The following SLCO2A1 variants were observed in gnomAD, a reference collection of about 807,000 sequenced individuals.
The protein encoded by SLCO2A1 is solute carrier organic anion transporter family member 2A1.
A neutral mutation model predicts 71.7 loss-of-function variants in SLCO2A1; 60 were observed. The ratio of observed to expected loss-of-function variants is 0.84; its 90% CI spans 0.68 to 1.04. SLCO2A1 has a LOEUF of 1.04. SLCO2A1 is among the 50% of genes least tolerant of loss of function. The probability of loss-of-function intolerance (pLI) is 0.00; values close to 1 mark genes in which losing one functional copy is unlikely to be tolerated. For missense variants in SLCO2A1, 745 were observed against 813.4 expected, an observed-to-expected ratio of 0.92 and a Z score of 1.02; for synonymous variants, 308 against 326.7, an observed-to-expected ratio of 0.94 and a Z score of 0.62.
At chr3:133,954,729 C>G (rs1248703596) in intron 4 of SLCO2A1, among the ~76,000 whole-genome samples, 1 of 152,184 alleles carries the variant, frequency 6.6e-6, no homozygotes, top group Admixed American at 6.5e-5. Flanking sequence ...ATATCAGCCT[C>G]CTCCTGGAGG....
intron 8 of SLCO2A1, 68 bp from the exon 9 acceptor site, chr3:133,947,513 G>A: frequency 1.5e-6 from 2 of 1,333,160 alleles, no homozygotes; most frequent in Non-Finnish European, 2.1e-6. Context: ...TACAAACACT[G>A]AGCTGGATCA....
chr3:133,955,901 C>T (rs1006482669), intron 3 of SLCO2A1, among the ~76,000 whole-genome samples: 1 of 152,224 alleles, frequency 6.6e-6, no homozygotes, highest in Non-Finnish European at 1.5e-5. Context: ...GAAGCTGAGG[C>T]TGCTTCTCGA....
At chr3:134,029,324 C>T (rs1414459140) in intron 1 of SLCO2A1, among the ~76,000 whole-genome samples, 3 of 152,214 alleles carry the variant, frequency 2.0e-5, no homozygotes, top group Non-Finnish European at 4.4e-5. Flanking sequence ...AAGTAACCGC[C>T]CGCTGGAGGC....
At chr3:134,027,200 C>T (rs1935715228) in intron 1 of SLCO2A1, among the ~76,000 whole-genome samples, 1 of 152,142 alleles carries the variant, frequency 6.6e-6, no homozygotes, top group Non-Finnish European at 1.5e-5. Context: ...GAGACCACCC[C>T]TCATATTGTC....
At chr3:133,974,760 A>C (rs147821482) in intron 2 of SLCO2A1, among the ~76,000 whole-genome samples, 245 of 152,226 alleles carry the variant, frequency 1.6e-3, no homozygotes, top group South Asian at 5.0e-3. Flanking sequence ...GTCTCCACCA[A>C]AGATGGTCCT....
chr3:134,027,318 G>A (rs1935717299), intron 1 of SLCO2A1, among the ~76,000 whole-genome samples: 1 of 152,250 alleles, frequency 6.6e-6, no homozygotes, highest in African/African-American at 2.4e-5. Flanking sequence ...GGTAGTTAAA[G>A]ATCGACCCCT....
chr3:134,001,457 G>A (rs1254999479), intron 1 of SLCO2A1, among the ~76,000 whole-genome samples: 1 of 152,150 alleles, frequency 6.6e-6, no homozygotes, highest in Non-Finnish European at 1.5e-5. Context: ...ACTGGAGGCT[G>A]CACCGGACTG....
chr3:134,017,230 A>G (rs1320586773), intron 1 of SLCO2A1, among the ~76,000 whole-genome samples: 1 of 152,258 alleles, frequency 6.6e-6, no homozygotes, highest in African/African-American at 2.4e-5. Flanking sequence ...CTGAAATTAT[A>G]TAAGATGCAA....
Position 133,969,941 on chromosome 3 carries a change from A to G in SLCO2A1, c.397+3722T>C, listed in dbSNP as rs141696725. On this transcript the variant is annotated intron_variant, in intron 3 of 13. Transcript: ENST00000310926. ...CTAAGCTTCCACCAACAGAAATCCT[A>G]AGGACTCACATGTGAGGATGCAGCA... Among the ~76,000 whole-genome samples the G allele has an allele frequency of 1.2e-4, 19 of 152,252 alleles. No homozygotes were observed. In the East Asian group the frequency reaches 3.7e-3, roughly 29 times the overall value.
intron 1 of SLCO2A1, among the ~76,000 whole-genome samples, chr3:134,004,026 T>A (rs1440014211): frequency 6.6e-6 from 1 of 152,216 alleles, no homozygotes; most frequent in Non-Finnish European, 1.5e-5. Flanking sequence ...CTGCCTGCCC[T>A]GTGAATTTTG....
At chr3:133,965,366 C>T (rs1233215271) in intron 3 of SLCO2A1, among the ~76,000 whole-genome samples, 3 of 152,214 alleles carry the variant, frequency 2.0e-5, no homozygotes, top group Non-Finnish European at 4.4e-5. Context: ...CTCGGGTGCC[C>T]GTGGGCCAGC....
At chr3:133,941,326 T>G (rs1933413389) in intron 11 of SLCO2A1, among the ~76,000 whole-genome samples, 1 of 152,184 alleles carries the variant, frequency 6.6e-6, no homozygotes, top group South Asian at 2.1e-4. Flanking sequence ...GTAGAACACC[T>G]TATATTTACA....
At chr3:133,986,962 G>A (rs1934728249) in intron 1 of SLCO2A1, among the ~76,000 whole-genome samples, 1 of 152,160 alleles carries the variant, frequency 6.6e-6, no homozygotes, top group Non-Finnish European at 1.5e-5. Flanking sequence ...GTGGTTATAG[G>A]AACACCAGCG....
At chr3:134,000,335 G>C (rs989330339) in intron 1 of SLCO2A1, among the ~76,000 whole-genome samples, 5 of 152,198 alleles carry the variant, frequency 3.3e-5, no homozygotes, top group Admixed American at 6.5e-5. Flanking sequence ...ATTCCACAGA[G>C]AGGAGGTCAC....
At chr3:133,994,412 C>G (rs952743293) in intron 1 of SLCO2A1, among the ~76,000 whole-genome samples, 3 of 152,218 alleles carry the variant, frequency 2.0e-5, no homozygotes, top group African/African-American at 7.2e-5. Context: ...CCAGTTACCT[C>G]AGTGCCATGT....
At chr3:133,966,802 G>A (rs989104539) in intron 3 of SLCO2A1, among the ~76,000 whole-genome samples, 1 of 152,252 alleles carries the variant, frequency 6.6e-6, no homozygotes, top group Non-Finnish European at 1.5e-5. Flanking sequence ...TGTGCACACA[G>A]TCAGTGTCCC....
At chr3:133,979,734 A>G in intron 1 of SLCO2A1, 116 bp from the exon 2 acceptor site, 1 of 1,132,602 alleles carries the variant, frequency 8.8e-7, no homozygotes, top group Non-Finnish European at 1.2e-6. Flanking sequence ...GTTATCTAGG[A>G]GCAGTTACTT....
intron 6 of SLCO2A1, among the ~76,000 whole-genome samples, chr3:133,950,483 C>G (rs958271612): frequency 6.6e-6 from 1 of 152,092 alleles, no homozygotes; most frequent in Non-Finnish European, 1.5e-5. Flanking sequence ...GCTGCATTCC[C>G]CATCTCTCAC....
chr3:133,948,337 C>T (rs925950674), intron 8 of SLCO2A1, among the ~76,000 whole-genome samples, 199 bp downstream of exon 8: 1 of 152,208 alleles, frequency 6.6e-6, no homozygotes, highest in African/African-American at 2.4e-5. Flanking sequence ...ACTGGAAGGA[C>T]AGGAGTCAGA....
Sources: allele counts gnomAD v4.1 joint callset (sites outside exome capture counted in the v4.1 genomes callset), GRCh38; gene constraint gnomAD v4.1.1; transcripts MANE v1.5; gene names NCBI Gene and HGNC (gene_info 2026-07-23, HGNC 2026-07-21).